HMX1: variants seen among roughly 807,000 people sequenced by gnomAD.
The protein encoded by HMX1 is H6 family homeobox 1, also known as homeobox protein HMX1.
Under a neutral mutation model 8.9 loss-of-function variants are expected in HMX1, and 8 were observed. The ratio of observed to expected loss-of-function variants is 0.90; its 90% CI spans 0.53 to 1.63. The LOEUF (loss-of-function observed/expected upper bound fraction) is 1.63, where lower values mean the gene tolerates loss of function less well. HMX1 is among the 40% of genes most tolerant of loss of function. The probability of loss-of-function intolerance (pLI) is 0.00; values close to 1 mark genes in which losing one functional copy is unlikely to be tolerated. For missense variants in HMX1, 621 were observed against 558.5 expected (o/e 1.11, Z -1.13); for synonymous variants, 311 against 283.4 (o/e 1.10, Z -0.98).
intron 1 of HMX1, among the ~76,000 whole-genome samples, chr4:8,846,717 C>T (rs7293280): frequency 0.16 from 24,627 of 151,810 alleles, 3,090 homozygotes; most frequent in African/African-American, 0.35. Context: ...CCTTACCCCA[C>T]CAGGCATTGA....
In HMX1 at chr4:8,853,263, C is replaced by A. The variant is rs778139348; in HGVS notation, c.395-6939G>T. Among the ~76,000 whole-genome samples, 4 of 152,166 alleles carry A rather than the reference C, an allele frequency of 2.6e-5. No homozygotes were observed. Among genetic ancestry groups the A allele is most frequent in the Non-Finnish European group, 4.4e-5 (3 of 68,030 alleles). ...CCATCCAGGAGGTAGGACAGCTCTG[C>A]CCCAGGTCACCAGGGACCTGGCTCC... On this transcript the variant is annotated intron_variant, in intron 1 of 1. Transcript: ENST00000506970. The surrounding 1 kb of genome is among the most constrained non-coding windows in gnomAD (Gnocchi z 4.7).
In HMX1 at chr4:8,849,165, C is replaced by T. The variant is rs190803006; in HGVS notation, c.395-2841G>A. Among the ~76,000 whole-genome samples the T allele has an allele frequency of 5.3e-5, 8 of 152,072 alleles. No homozygotes were observed. Among genetic ancestry groups the T allele is most frequent in the Admixed American group, 4.6e-4 (7 of 15,260 alleles). ...GAAGCCTTTTCATGAGGTTGTGAGA[C>T]GGGTCCAACCATGGCAGCTGTCATG... On this transcript the variant is annotated intron_variant, in intron 1 of 1. Coordinates refer to the HMX1 transcript ENST00000506970. The surrounding 1 kb of genome is among the most constrained non-coding windows in gnomAD (Gnocchi z 6.6).
intron 1 of HMX1, among the ~76,000 whole-genome samples, chr4:8,857,371 G>C (rs1721640896): frequency 6.6e-6 from 1 of 152,154 alleles, no homozygotes; most frequent in Admixed American, 6.5e-5. Flanking sequence ...TGCCCGTGGG[G>C]CCCCCTCCCC....
intron 1 of HMX1, chr4:8,846,349 T>C (rs1198596072): frequency 6.6e-7 from 1 of 1,510,640 alleles, no homozygotes; most frequent in Non-Finnish European, 8.9e-7. Flanking sequence ...AACCAGGTAT[T>C]GGGAGCACTA....
chr4:8,867,785 C>G lies in HMX1; in HGVS notation c.955G>C (p.Gly319Arg), dbSNP rs764730446. 1.2e-5 allele frequency: 15 copies of G among 1,257,666 alleles called. No homozygotes were observed. Among genetic ancestry groups the G allele is most frequent in the Non-Finnish European group, 1.5e-5 (15 of 1,006,002 alleles). The allele number at this position is 1,257,666 out of a possible 1,614,324, so 77.9% of individuals were successfully genotyped here. A position where few individuals can be genotyped will look rare whatever the true frequency, so the allele number is the denominator to read the frequency against. ...GGGTAGGCGAGGGCCCCGGAGAAGC[C>G]GAGCAGCGGTGGGGGCGGCGCGGGC... ...AAPAPPPPLL[G>R]FSGALAYPLA... The change falls in exon 2 of 2, where the codon GGC (glycine) becomes CGC (arginine). Residue 319 changes from glycine (G) to arginine (R), a missense_variant. Coordinates refer to ENST00000400677, the MANE Select transcript of HMX1 (RefSeq NM_018942.3).
intron 1 of HMX1, among the ~76,000 whole-genome samples, chr4:8,850,646 G>A (rs996043084): frequency 3.3e-5 from 5 of 152,260 alleles, no homozygotes; most frequent in Non-Finnish European, 4.4e-5. Context: ...CCTCCTACCT[G>A]TGTTCACACC....
intron 1 of HMX1, among the ~76,000 whole-genome samples, chr4:8,858,534 G>A (rs994290423): frequency 6.6e-6 from 1 of 152,192 alleles, no homozygotes; most frequent in African/African-American, 2.4e-5. Context: ...AGGAGGCCTA[G>A]GTCCATTCGG....
chr4:8,854,862 G>A (rs1218725335), intron 1 of HMX1, among the ~76,000 whole-genome samples: 4 of 152,110 alleles, frequency 2.6e-5, no homozygotes, highest in East Asian at 3.8e-4. Context: ...TCACAGGGAG[G>A]GATTCATTCT....
rs1301871729 is a variant in HMX1, at chr4:8,867,837, G to T, written c.903C>A (p.Thr301=). Residue 301 remains threonine, a synonymous_variant, in exon 2 of 2, where the codon ACC becomes ACA. Transcript: ENST00000400677. Reference sequence around the variant, plus strand: ...CGGCGGGCGCCAGCGGGAAGGGCAGGGTGGCCGGGGGCCCAGCGGCGGCTG... The same window carrying T: ...CGGCGGGCGCCAGCGGGAAGGGCAGTGTGGCCGGGGGCCCAGCGGCGGCTG... ...PAAAAAGPPA[T]LPFPLAPAAP... is the part of the protein sequence containing the mutation. The T allele has an allele frequency of 6.5e-6, 8 of 1,235,940 alleles. No homozygotes were observed. Among genetic ancestry groups the T allele is most frequent in the Non-Finnish European group, 8.1e-6 (8 of 991,812 alleles). 76.6% of individuals were successfully genotyped at this position (1,235,940 alleles called of 1,614,324 possible).
rs769841985 is a variant in HMX1 at position 8,868,002 on chromosome 4, C to T, written c.738G>A (p.Gln246=). Residue 246 remains glutamine, a synonymous_variant, in exon 2 of 2, where the codon CAG becomes CAA. Coordinates refer to ENST00000400677, the MANE Select transcript of HMX1 (RefSeq NM_018942.3). The surrounding 1 kb of genome is among the most constrained non-coding windows in gnomAD (Gnocchi z 4.6). ...LAASLQLTET[Q]VKIWFQNRRN... is the part of the protein sequence containing the mutation. The stretch of plus-strand genomic sequence containing the variant: ...GGCGGTTCTGGAACCAGATCTTAAC[C>T]TGCGTCTCGGTGAGCTGCAGGGAGG... The T allele has an allele frequency of 3.2e-5, 49 of 1,544,340 alleles. No individual in the cohort carries two copies. The highest frequency in any genetic ancestry group is 3.7e-5 in the Non-Finnish European group (42 of 1,145,512).
rs186394500 is a variant in HMX1, at chr4:8,853,631, C to T, written c.395-7307G>A. Among the ~76,000 whole-genome samples the T allele has an allele frequency of 2.9e-3, 447 of 152,320 alleles. 2 individuals carry two copies. The highest frequency in any genetic ancestry group is 0.01 in the African/African-American group (424 of 41,576). ...CTTTGGCAGGCCAAGGCGGGCGGAT[C>T]ACCTGAGGTCAGGAGTTCAAGACCA... On this transcript the variant is annotated intron_variant, in intron 1 of 1. Coordinates refer to the HMX1 transcript ENST00000506970. The surrounding 1 kb of genome is among the most constrained non-coding windows in gnomAD (Gnocchi z 4.7).
intron 1 of HMX1, among the ~76,000 whole-genome samples, chr4:8,861,695 C>G (rs1167553438): frequency 2.6e-5 from 4 of 152,214 alleles, no homozygotes; most frequent in Non-Finnish European, 4.4e-5. Flanking sequence ...AGGCCCACAG[C>G]TCTGGCCTGG....
In HMX1 at chr4:8,867,880, T is replaced by A. The variant is rs1020239422; in HGVS notation, c.860A>T (p.His287Leu). ...GGCGGCTGCGGCCGGGGGGCTTTCG[T>A]GGTAGAGCACCGGCACGCGGACCAG... ...QRLVRVPVLY[H>L]ESPPAAAAAG... The change falls in exon 2 of 2, where the codon CAC becomes CTC. Residue 287 changes from histidine to leucine, a missense_variant. Physicochemically the swap from His to Leu is moderately conservative, Grantham distance 99. Transcript: ENST00000400677. The A allele has an allele frequency of 1.5e-6, 2 of 1,299,050 alleles. No homozygotes were observed. Among genetic ancestry groups the A allele is most frequent in the Admixed American group, 3.8e-5 (1 of 26,506 alleles). 80.5% of individuals were successfully genotyped at this position (1,299,050 alleles called of 1,614,324 possible).
downstream of HMX1, among the ~76,000 whole-genome samples, chr4:8,864,600 G>A (rs145085289): frequency 6.1e-3 from 926 of 152,296 alleles, 7 homozygotes; most frequent in South Asian, 0.015. Context: ...GCCTGGTCCC[G>A]CTTGCTCTCC....
intron 1 of HMX1, chr4:8,859,046 T>C (rs559609379): frequency 5.9e-5 from 9 of 152,420 alleles, no homozygotes; most frequent in African/African-American, 2.2e-4. Flanking sequence ...GCCGGTGGAT[T>C]TGGCTTCTGG....
chr4:8,863,973 C>T (rs1362570456), downstream of HMX1, among the ~76,000 whole-genome samples: 3 of 152,196 alleles, frequency 2.0e-5, no homozygotes, highest in African/African-American at 7.2e-5. Context: ...TGGACTCTGC[C>T]TTTGGAGGTC....
intron 1 of HMX1, among the ~76,000 whole-genome samples, chr4:8,859,288 A>G (rs1721717532): frequency 6.6e-6 from 1 of 151,816 alleles, no homozygotes; most frequent in African/African-American, 2.4e-5. Context: ...TAGTCATCGC[A>G]AACTCATAAT....
chr4:8,866,730 G>A (rs1269769391), downstream of HMX1, among the ~76,000 whole-genome samples: 2 of 152,246 alleles, frequency 1.3e-5, no homozygotes, highest in African/African-American at 4.8e-5. Flanking sequence ...CCCCTGTGAC[G>A]AATGCCAGCG....
At chr4:8,859,745 G>A (rs1334199143) in intron 1 of HMX1, among the ~76,000 whole-genome samples, 1 of 152,208 alleles carries the variant, frequency 6.6e-6, no homozygotes, top group Admixed American at 6.5e-5. Context: ...ACCCGAATGA[G>A]GACATCCCCC....
Sources: allele counts gnomAD v4.1 joint callset (sites outside exome capture counted in the v4.1 genomes callset), GRCh38; gene constraint gnomAD v4.1.1; non-coding constraint Gnocchi (gnomAD v3.1); transcripts MANE v1.5; gene names NCBI Gene and HGNC (gene_info 2026-07-23, HGNC 2026-07-21).